SCN9A: variants seen among roughly 807,000 people sequenced by gnomAD.
SCN9A encodes the protein sodium voltage-gated channel alpha subunit 9.
SCN9A carries 131 observed loss-of-function variants against 187.0 expected under a neutral mutation model. That is an observed-to-expected ratio of 0.70 (90% confidence interval 0.61 to 0.81). The LOEUF is 0.81. Among genes scored for constraint, SCN9A ranks in the 30% least tolerant of loss-of-function variants. The pLI, the probability that SCN9A is intolerant of heterozygous loss-of-function variation, is 0.00. For missense variants in SCN9A, 2,252 were observed against 2,396.6 expected (o/e 0.94, Z 1.26); for synonymous variants, 809 against 808.6 (o/e 1.00, Z -0.01).
At position 166,304,285 on chromosome 2, in the gene SCN9A, C is replaced by T. The variant is rs201741634; in HGVS notation, c.641G>A (p.Arg214Gln). The T allele has an allele frequency of 4.2e-5, 68 of 1,613,308 alleles. No individual in the cohort carries two copies. The highest frequency in any genetic ancestry group is 1.5e-4 in the Admixed American group (9 of 59,946). ...CAAAGCTCTCAATACTCTGAAAGTT[C>T]GAAGAGCTGAAACATTGCCTAGGTT... ...FVNLGNVSAL[R>Q]TFRVLRALKT... The change falls in exon 6 of 27, where the codon CGA (arginine) becomes CAA (glutamine). Residue 214 changes from arginine (R) to glutamine (Q), a missense_variant. Physicochemically the swap from Arg to Gln is conservative, Grantham distance 43. Transcript: ENST00000642356.
In SCN9A at chr2:166,251,873, A is replaced by G. The variant is rs2106426549; in HGVS notation, c.3364T>C (p.Ser1122Pro). 1.2e-6 allele frequency: 2 copies of G among 1,612,270 alleles called. No homozygotes were observed. The highest frequency in any genetic ancestry group is 2.7e-5 in the African/African-American group (2 of 74,928). The change falls in exon 18 of 27, where the codon TCA becomes CCA. Residue 1122 changes from serine (S) to proline (P), a missense_variant. Coordinates refer to ENST00000642356, the MANE Select transcript of SCN9A (RefSeq NM_001365536.1). ...ACTGTGCTGCACTCTGAGGAGCTTG[A>G]CCGGTTTAATCTCTAGAAAGGAATT... ...SEYSKVRLNRSSSSECSTVDN... is the reference protein window; with the variant it reads ...SEYSKVRLNRPSSSECSTVDN...
intron 1 of SCN9A, among the ~76,000 whole-genome samples, chr2:166,334,575 A>G (rs1183800215): frequency 6.6e-6 from 1 of 152,132 alleles, no homozygotes; most frequent in Non-Finnish European, 1.5e-5. Flanking sequence ...GGCGTGTTAC[A>G]ATAGCCTTGT....
chr2:166,351,168 TGAA>T (rs1700024804), intron 1 of SCN9A, among the ~76,000 whole-genome samples: 1 of 152,088 alleles, frequency 6.6e-6, no homozygotes, highest in African/African-American at 2.4e-5. Context: ...CTTGAAGTCT[TGAA>T]GCATGAAAAG....
chr2:166,304,527 T>C (rs1698687257), intron 5 of SCN9A, among the ~76,000 whole-genome samples, 198 bp from the exon 6 acceptor site: 1 of 152,120 alleles, frequency 6.6e-6, no homozygotes, highest in Admixed American at 6.6e-5. Context: ...ACAGATATTA[T>C]ATATTATTAA....
chr2:166,265,792 A>G (rs1199952002), intron 17 of SCN9A, among the ~76,000 whole-genome samples: 1 of 151,924 alleles, frequency 6.6e-6, no homozygotes, highest in Admixed American at 6.6e-5. Flanking sequence ...GATAGGTTTG[A>G]TTTGCATTTC....
chr2:166,319,018 T>C (rs1699175646), intron 1 of SCN9A, among the ~76,000 whole-genome samples: 1 of 152,010 alleles, frequency 6.6e-6, no homozygotes, highest in Non-Finnish European at 1.5e-5. Flanking sequence ...AAGCTAAAAG[T>C]ACAAAAGAAG....
intron 19 of SCN9A, among the ~76,000 whole-genome samples, chr2:166,241,665 C>A (rs1558976255): frequency 9.9e-6 from 1 of 101,404 alleles, no homozygotes; most frequent in African/African-American, 3.4e-5. Context: ...GCACCATTTA[C>A]GTTTCTGAAA....
chr2:166,349,985 A>G (rs1699996068), intron 1 of SCN9A, among the ~76,000 whole-genome samples: 1 of 87,546 alleles, frequency 1.1e-5, no homozygotes, highest in Non-Finnish European at 2.3e-5. Context: ...AAAAAAAATA[A>G]AAAATAAAAA....
chr2:166,272,359 A>G (rs906024900), intron 17 of SCN9A, 40 bp downstream of exon 17: 8 of 1,228,094 alleles, frequency 6.5e-6, no homozygotes, highest in Non-Finnish European at 9.0e-6. Context: ...TTTCATACTA[A>G]TTGTTAATAT....
rs1693245657 is a variant in SCN9A at position 166,196,279 on chromosome 2, A to G, written c.*2393T>C. On this transcript the variant is annotated 3_prime_UTR_variant, in exon 27 of 27. Transcript: ENST00000642356. ...ACTTAATAAGCTCTTTCTTCCAAATATTATTTTTAATTGATAAAAAGTCAC... is the reference window on the plus strand; with the variant it reads ...ACTTAATAAGCTCTTTCTTCCAAATGTTATTTTTAATTGATAAAAAGTCAC... The G allele has an allele frequency of 6.6e-6, 1 of 152,144 alleles. No homozygotes were observed. The highest frequency in any genetic ancestry group is 1.5e-5 in the Non-Finnish European group (1 of 68,018). The allele number at this position is 152,144 out of a possible 1,614,324, so 9.4% of individuals were successfully genotyped here. A position where few individuals can be genotyped will look rare whatever the true frequency, so the allele number is the denominator to read the frequency against.
At chr2:166,368,715 T>C (rs1441717552) in intron 1 of SCN9A, among the ~76,000 whole-genome samples, 1 of 145,096 alleles carries the variant, frequency 6.9e-6, no homozygotes, top group Non-Finnish European at 1.5e-5. Flanking sequence ...AGGCTGGGCA[T>C]GGTGGCTCAC....
In SCN9A at chr2:166,310,858, CAAT is replaced by C. The variant is rs1698918205; in HGVS notation, c.258+638_258+640del. ...ACTTGGAACCAACCCAAATGTCCAA[CAAT>C]GATAGACTGGATTAAGAAAATGTGG... On this transcript the variant is annotated intron_variant, in intron 2 of 26. Coordinates refer to ENST00000642356, the MANE Select transcript of SCN9A (RefSeq NM_001365536.1). Among the ~76,000 whole-genome samples, 2 of 78,430 alleles carry C rather than the reference CAAT, an allele frequency of 2.6e-5. 1 individual carries two copies. Among genetic ancestry groups the C allele is most frequent in the African/African-American group, 1.5e-4 (2 of 13,608 alleles). The allele number at this position is 78,430 out of a possible 152,430, so 51.5% of individuals were successfully genotyped here. A position where few individuals can be genotyped will look rare whatever the true frequency, so the allele number is the denominator to read the frequency against.
intron 26 of SCN9A, 33 bp from the exon 27 acceptor site, chr2:166,199,897 A>G (rs749080134): frequency 1.3e-6 from 2 of 1,563,790 alleles, no homozygotes. Context: ...GAAATAAAAT[A>G]TTTAAAGATG....
At chr2:166,239,678 C>T (rs764728433) in intron 19 of SCN9A, among the ~76,000 whole-genome samples, 4 of 152,126 alleles carry the variant, frequency 2.6e-5, no homozygotes, top group Non-Finnish European at 5.9e-5. Context: ...AGGAATCAGG[C>T]AAGCCATCTA....
intron 1 of SCN9A, among the ~76,000 whole-genome samples, chr2:166,346,578 T>G (rs1048461340): frequency 2.0e-5 from 3 of 152,112 alleles, no homozygotes; most frequent in Non-Finnish European, 4.4e-5. Context: ...GGAAAAAATA[T>G]GTATCTCCTG....
intron 1 of SCN9A, among the ~76,000 whole-genome samples, chr2:166,313,735 A>G (rs1699036326): frequency 6.6e-6 from 1 of 152,206 alleles, no homozygotes; most frequent in Non-Finnish European, 1.5e-5. Flanking sequence ...TCCTTCAAGA[A>G]TGTTTCCTTT....
At chr2:166,214,509 T>TA (rs1400723332) in intron 24 of SCN9A, among the ~76,000 whole-genome samples, 5 of 42,814 alleles carry the variant, frequency 1.2e-4, no homozygotes, top group African/African-American at 5.5e-4. Context: ...CTTTCTTTTT[T>TA]TTTTTTTTTT....
intron 4 of SCN9A, 104 bp from the exon 5 acceptor site, chr2:166,306,024 T>C (rs1698744576): frequency 7.3e-7 from 1 of 1,366,636 alleles, no homozygotes; most frequent in Non-Finnish European, 1.0e-6. Flanking sequence ...AGACATATAT[T>C]GGAGGATGGC....
At chr2:166,257,145 A>C (rs550025753) in intron 17 of SCN9A, among the ~76,000 whole-genome samples, 1 of 151,768 alleles carries the variant, frequency 6.6e-6, no homozygotes, top group African/African-American at 2.4e-5. Flanking sequence ...TTTGCAGAGA[A>C]AGCAGCTGGA....
Sources: gnomAD v4.1 joint callset for allele counts (sites outside exome capture counted in the v4.1 genomes callset) on GRCh38, gnomAD v4.1.1 for gene constraint, MANE v1.5 for transcripts, NCBI Gene and HGNC (gene_info 2026-07-23, HGNC 2026-07-21) for gene names.